RYR3: variants seen among roughly 807,000 people sequenced by gnomAD.
RYR3 encodes the protein brain ryanodine receptor-calcium release channel.
Under a neutral mutation model 584.3 loss-of-function variants are expected in RYR3, and 207 were observed. The ratio of observed to expected loss-of-function variants is 0.35; its 90% confidence interval spans 0.32 to 0.40. RYR3 has a LOEUF of 0.40. Among genes scored for constraint, RYR3 ranks in the 10% least tolerant of loss-of-function variants. The pLI, the probability that RYR3 is intolerant of heterozygous loss-of-function variation, is 1.00. For synonymous variants in RYR3, 2,416 were observed against 2,248.5 expected (o/e 1.07, Z -2.11); for missense variants, 5,616 against 6,089.2 (o/e 0.92, Z 2.59).
At chr15:33,654,019 C>A (rs918341633) in intron 32 of RYR3, among the ~76,000 whole-genome samples, 8 of 150,448 alleles carry the variant, frequency 5.3e-5, no homozygotes, top group African/African-American at 1.9e-4. Flanking sequence ...CCTAGAGTTC[C>A]ACAGAGCAAA....
chr15:33,796,154 G>T (rs1425797189), intron 67 of RYR3, among the ~76,000 whole-genome samples: 2 of 151,322 alleles, frequency 1.3e-5, no homozygotes, highest in Non-Finnish European at 2.9e-5. Context: ...TTTGTTTTTA[G>T]GACAAAGTCT....
intron 3 of RYR3, among the ~76,000 whole-genome samples, chr15:33,516,264 GC>G (rs944444272): frequency 4.6e-5 from 7 of 150,586 alleles, no homozygotes; most frequent in South Asian, 4.2e-4. Context: ...ACAGAGGCAT[GC>G]CCCCCCCGAA....
At chr15:33,651,964 G>A (rs1483204234) in intron 31 of RYR3, among the ~76,000 whole-genome samples, 3 of 152,206 alleles carry the variant, frequency 2.0e-5, no homozygotes, top group Admixed American at 6.5e-5. Flanking sequence ...GCTCACCTGG[G>A]ATGTGAAATC....
chr15:33,605,941 C>G (rs773557133), intron 18 of RYR3, among the ~76,000 whole-genome samples: 1 of 152,122 alleles, frequency 6.6e-6, no homozygotes, highest in African/African-American at 2.4e-5. Flanking sequence ...TTTAAATGCC[C>G]AGGTCATTAC....
At chr15:33,616,334 G>A (rs56013212) in intron 19 of RYR3, among the ~76,000 whole-genome samples, 71,401 of 152,034 alleles carry the variant, frequency 0.47, 17,328 homozygotes, top group Middle Eastern at 0.59. Flanking sequence ...CCTCAGAACA[G>A]TGAGATAGGA....
At chr15:33,520,534 A>C (rs1445919119) in intron 3 of RYR3, among the ~76,000 whole-genome samples, 1 of 151,210 alleles carries the variant, frequency 6.6e-6, no homozygotes, top group East Asian at 1.9e-4. Flanking sequence ...CCTTTTATGC[A>C]AAGAATAAAT....
intron 10 of RYR3, among the ~76,000 whole-genome samples, chr15:33,555,037 AG>A (rs1280066200): frequency 6.6e-6 from 1 of 152,230 alleles, no homozygotes; most frequent in African/African-American, 2.4e-5. Context: ...TCATAGTGTA[AG>A]GGTATAGAGC....
At position 33,697,951 on chromosome 15, in the gene RYR3, G is replaced by A. The variant is rs372600136; in HGVS notation, c.6204G>A (p.Thr2068=). ...NLMRVLGMHE[T]VMEVMVNVLG... ...TGAGAGTCCTGGGCATGCACGAGAC[G>A]GTGATGGAGGTGATGGTGAACGTGT... The change falls in exon 40 of 104, where the codon ACG becomes ACA. Residue 2068 remains threonine (T), a synonymous_variant. Transcript: ENST00000634891. 30 of 1,613,606 alleles carry A rather than the reference G, an allele frequency of 1.9e-5. No individual in the cohort carries two copies. In the East Asian group the frequency reaches 5.1e-4, roughly 28 times the overall value.
Position 33,840,813 on chromosome 15 carries a change from A to T in RYR3, c.12979-12A>T, listed in dbSNP as rs1214691015. ...TTTGAGGAAAGCTTGACTAATTGTTATTTTTGTCTAGGCAGCAGAAATGAA... is the reference window on the plus strand; with the variant it reads ...TTTGAGGAAAGCTTGACTAATTGTTTTTTTTGTCTAGGCAGCAGAAATGAA... On this transcript the variant is annotated splice_polypyrimidine_tract_variant and intron_variant, in intron 89 of 103. Transcript: ENST00000634891. 5.0e-6 allele frequency: 8 copies of T among 1,613,538 alleles called. No individual in the cohort carries two copies. The Admixed American group carries it at 1.3e-4, about 27-fold the overall frequency.
chr15:33,362,319 G>A (rs1269875653), intron 1 of RYR3, among the ~76,000 whole-genome samples: 1 of 152,090 alleles, frequency 6.6e-6, no homozygotes, highest in Non-Finnish European at 1.5e-5. Context: ...GGGTTGTGGG[G>A]AGAATTAAAT....
At chr15:33,700,697 A>G (rs939211315) in intron 41 of RYR3, among the ~76,000 whole-genome samples, 1 of 152,142 alleles carries the variant, frequency 6.6e-6, no homozygotes. Flanking sequence ...GGCCTCAAGA[A>G]GTTTTGTGTT....
intron 63 of RYR3, 39 bp downstream of exon 63, chr15:33,772,197 A>C: frequency 7.4e-7 from 1 of 1,350,326 alleles, no homozygotes; most frequent in Non-Finnish European, 1.1e-6. Flanking sequence ...GTATGTGCAC[A>C]TGGCCCCAGA....
chr15:33,549,648 CT>C (rs1311363397), intron 9 of RYR3, among the ~76,000 whole-genome samples: 1 of 152,124 alleles, frequency 6.6e-6, no homozygotes, highest in Non-Finnish European at 1.5e-5. Context: ...AGAATTTATC[CT>C]TTTAACATAA....
chr15:33,780,170 T>A, intron 64 of RYR3, 41 bp from the exon 65 acceptor site: 1 of 1,604,636 alleles, frequency 6.2e-7, no homozygotes. Flanking sequence ...GGGGCCAGCA[T>A]GTGGGGGGCC....
chr15:33,350,387 A>G, intron 1 of RYR3, among the ~76,000 whole-genome samples: 1 of 152,116 alleles, frequency 6.6e-6, no homozygotes, highest in Non-Finnish European at 1.5e-5. Context: ...CAGGAATTGA[A>G]CTCAGCTCTG....
At chr15:33,725,154 TACACACACACACACAC>T (rs58951939) in intron 45 of RYR3, among the ~76,000 whole-genome samples, 273 of 113,894 alleles carry the variant, frequency 2.4e-3, no homozygotes, top group East Asian at 5.6e-3. Context: ...TCCAACACCT[TACACACACACACACAC>T]ACACACACAC....
intron 1 of RYR3, among the ~76,000 whole-genome samples, chr15:33,359,972 T>C (rs753068467): frequency 2.6e-4 from 40 of 152,082 alleles, no homozygotes; most frequent in Non-Finnish European, 3.7e-4. Flanking sequence ...ACCCTTACCC[T>C]GCTTTATTTT....
intron 14 of RYR3, 70 bp from the exon 15 acceptor site, chr15:33,584,324 CA>C (rs991812149): frequency 2.6e-6 from 2 of 782,814 alleles, no homozygotes; most frequent in African/African-American, 3.5e-5. Context: ...AAATATTCGA[CA>C]GCTTTCCAAG....
chr15:33,408,463 T>C (rs2043171577), intron 1 of RYR3, among the ~76,000 whole-genome samples: 1 of 152,198 alleles, frequency 6.6e-6, no homozygotes, highest in Admixed American at 6.5e-5. Flanking sequence ...CTGTGATAAA[T>C]ATCAATGATT....
Sources: allele counts gnomAD v4.1 joint callset (sites outside exome capture counted in the v4.1 genomes callset), GRCh38; gene constraint gnomAD v4.1.1; transcripts MANE v1.5; gene names NCBI Gene and HGNC (gene_info 2026-07-23, HGNC 2026-07-21).